Variants in ST8SIA1 observed in about 807,000 individuals in gnomAD.
ST8SIA1 encodes ST8 alpha-N-acetyl-neuraminide alpha-2,8-sialyltransferase 1, also known as alpha-N-acetylneuraminide alpha-2,8-sialyltransferase.
A neutral mutation model predicts 35.9 loss-of-function variants in ST8SIA1; 16 were observed. The ratio of observed to expected loss-of-function variants is 0.45; its 90% CI spans 0.30 to 0.68. The LOEUF is 0.68. ST8SIA1 is among the 30% of genes least tolerant of loss of function. The pLI, the probability that ST8SIA1 is intolerant of heterozygous loss-of-function variation, is 0.09. For missense variants in ST8SIA1, 383 were observed against 453.6 expected (o/e 0.84, Z 1.41); for synonymous variants, 170 against 169.6 (o/e 1.00, Z -0.02).
At chr12:22,218,449 C>G (rs962727189) in intron 4 of ST8SIA1, among the ~76,000 whole-genome samples, 1 of 151,630 alleles carries the variant, frequency 6.6e-6, no homozygotes. Context: ...AAAACCCCGT[C>G]TCTATAAAAA....
At chr12:22,286,158 G>C (rs1242228348) in intron 2 of ST8SIA1, among the ~76,000 whole-genome samples, 2 of 152,146 alleles carry the variant, frequency 1.3e-5, no homozygotes, top group Non-Finnish European at 2.9e-5. Flanking sequence ...ATAAACTAAA[G>C]CTTCTACTTC....
At chr12:22,212,171 T>C (rs543089663) in intron 4 of ST8SIA1, among the ~76,000 whole-genome samples, 2 of 152,376 alleles carry the variant, frequency 1.3e-5, no homozygotes, top group East Asian at 3.9e-4. Flanking sequence ...CTGACCATAT[T>C]GCGTTTTAAA....
chr12:22,234,869 T>G (rs1865458810), intron 4 of ST8SIA1, among the ~76,000 whole-genome samples: 1 of 152,230 alleles, frequency 6.6e-6, no homozygotes, highest in East Asian at 1.9e-4. Context: ...TAAAATATGG[T>G]AATTTAACCA....
intron 1 of ST8SIA1, among the ~76,000 whole-genome samples, chr12:22,327,371 A>G (rs187998077): frequency 6.6e-6 from 1 of 152,288 alleles, no homozygotes; most frequent in Admixed American, 6.5e-5. Flanking sequence ...TCCTTCCACA[A>G]TGTCTCCCTC....
At chr12:22,225,460 C>T (rs905459674) in intron 4 of ST8SIA1, among the ~76,000 whole-genome samples, 6 of 152,056 alleles carry the variant, frequency 3.9e-5, no homozygotes, top group African/African-American at 1.4e-4. Context: ...CTGAGGAATT[C>T]CTGAGCAGAC....
intron 1 of ST8SIA1, among the ~76,000 whole-genome samples, chr12:22,299,191 A>C (rs1330153400): frequency 6.6e-6 from 1 of 152,166 alleles, no homozygotes; most frequent in Non-Finnish European, 1.5e-5. Flanking sequence ...TCCAATAAAA[A>C]TATATTGTAG....
intron 2 of ST8SIA1, among the ~76,000 whole-genome samples, chr12:22,273,976 C>G (rs1827611981): frequency 6.6e-6 from 1 of 152,140 alleles, no homozygotes; most frequent in African/African-American, 2.4e-5. Flanking sequence ...GCCCCCTCCT[C>G]CCCAGGAAAT....
chr12:22,245,575 G>A (rs1475971284), intron 4 of ST8SIA1, among the ~76,000 whole-genome samples: 1 of 152,212 alleles, frequency 6.6e-6, no homozygotes, highest in Non-Finnish European at 1.5e-5. Context: ...AGATCAGAAG[G>A]TGTGATAGTG....
chr12:22,238,651 AAAG>A (rs1439636345), intron 4 of ST8SIA1, among the ~76,000 whole-genome samples: 15 of 152,354 alleles, frequency 9.8e-5, no homozygotes, highest in African/African-American at 3.4e-4. Flanking sequence ...TAAAAAACTG[AAAG>A]AAGAGCTAAA....
rs111686540 is a variant in ST8SIA1 at position 22,314,987 on chromosome 12, C to A, written c.236+19010G>T. On this transcript the variant is annotated intron_variant, in intron 1 of 4. Coordinates refer to ENST00000396037, the MANE Select transcript of ST8SIA1 (RefSeq NM_003034.4). ...ACCAAAAACCATTTCTCAGATTTTT[C>A]TCAGGCTCAGAATATGCATGACTGT... 2.1e-4 allele frequency among the ~76,000 whole-genome samples: 32 copies of A among 152,274 alleles called. 1 individual carries two copies. Among genetic ancestry groups the A allele is most frequent in the African/African-American group, 7.5e-4 (31 of 41,560 alleles).
intron 4 of ST8SIA1, among the ~76,000 whole-genome samples, chr12:22,203,027 G>A (rs563977152): frequency 6.6e-6 from 1 of 152,232 alleles, no homozygotes. Context: ...ATCACTCTGT[G>A]GTGACAGGAA....
intron 2 of ST8SIA1, among the ~76,000 whole-genome samples, chr12:22,281,056 T>G (rs938589194): frequency 1.3e-5 from 2 of 152,162 alleles, no homozygotes; most frequent in African/African-American, 4.8e-5. Context: ...ATTTCACCCT[T>G]TTTTTAGTGG....
At chr12:22,283,430 A>G (rs1866059914) in intron 2 of ST8SIA1, among the ~76,000 whole-genome samples, 1 of 152,140 alleles carries the variant, frequency 6.6e-6, no homozygotes, top group South Asian at 2.1e-4. Flanking sequence ...ACACTGGACC[A>G]TGCAGGCTTA....
intron 1 of ST8SIA1, chr12:22,325,424 C>G (rs1256145264): frequency 1.4e-6 from 1 of 701,800 alleles, no homozygotes; most frequent in Non-Finnish European, 2.6e-6. Context: ...ACAGCTCTTA[C>G]GGTCTTGGCT....
At chr12:22,220,605 G>A (rs1349715977) in intron 4 of ST8SIA1, among the ~76,000 whole-genome samples, 2 of 152,070 alleles carry the variant, frequency 1.3e-5, no homozygotes, top group East Asian at 1.9e-4. Flanking sequence ...CCTCACTGAC[G>A]GCGGAAGAAA....
At chr12:22,275,676 A>G (rs1865961093) in intron 2 of ST8SIA1, among the ~76,000 whole-genome samples, 1 of 152,186 alleles carries the variant, frequency 6.6e-6, no homozygotes, top group Admixed American at 6.5e-5. Flanking sequence ...AGGGATTTGA[A>G]TTTTATCATA....
In ST8SIA1 at chr12:22,248,996, A is replaced by G; in HGVS notation, c.584+10T>C. ...TTCGTTCGTCACAAACAGAAGTCAT[A>G]AACTCTTACCTTTGCCGAATTATGC... On this transcript the variant is annotated intron_variant, in intron 4 of 4. Coordinates refer to ENST00000396037, the MANE Select transcript of ST8SIA1 (RefSeq NM_003034.4). 6.2e-7 allele frequency: 1 copy of G among 1,604,160 alleles called. No homozygotes were observed. Among genetic ancestry groups the G allele is most frequent in the Non-Finnish European group, 8.5e-7 (1 of 1,171,446 alleles).
chr12:22,279,282 A>G (rs1166728259), intron 2 of ST8SIA1, among the ~76,000 whole-genome samples: 1 of 152,198 alleles, frequency 6.6e-6, no homozygotes, highest in South Asian at 2.1e-4. Flanking sequence ...GTATGGCTCT[A>G]GTAACTTGGT....
intron 1 of ST8SIA1, among the ~76,000 whole-genome samples, chr12:22,300,451 C>A (rs1167799831): frequency 1.3e-5 from 2 of 152,082 alleles, no homozygotes; most frequent in Admixed American, 6.6e-5. Flanking sequence ...ATATGGGCCC[C>A]TGTATCAGAT....
Sources: allele counts gnomAD v4.1 joint callset (sites outside exome capture counted in the v4.1 genomes callset), GRCh38; gene constraint gnomAD v4.1.1; transcripts MANE v1.5; gene names NCBI Gene and HGNC (gene_info 2026-07-23, HGNC 2026-07-21).